Variants in GPR39 observed in about 807,000 individuals in gnomAD.
The protein encoded by GPR39 is zinc sensing receptor.
In GPR39, 23 loss-of-function variants were observed where a neutral mutation model predicts 18.4. That is an observed-to-expected ratio of 1.25 (90% CI 0.90 to 1.77). GPR39 has a LOEUF of 1.77. Ranked by LOEUF, GPR39 falls within the 40% of genes most tolerant of loss-of-function variation. The probability of loss-of-function intolerance (pLI) is 0.00; values close to 1 mark genes in which losing one functional copy is unlikely to be tolerated. For synonymous variants in GPR39, 280 were observed against 257.9 expected, an observed-to-expected ratio of 1.09 and a Z score of -0.82; for missense variants, 647 against 602.4, an observed-to-expected ratio of 1.07 and a Z score of -0.78.
chr2:132,597,527 C>T (rs1184595191), intron 1 of GPR39, among the ~76,000 whole-genome samples: 2 of 152,104 alleles, frequency 1.3e-5, no homozygotes, highest in African/African-American at 4.8e-5. Context: ...TCAGTGGACT[C>T]TAAAATTTCT....
intron 1 of GPR39, among the ~76,000 whole-genome samples, chr2:132,578,067 G>GTTTT (rs34297392): frequency 0.013 from 1,769 of 131,710 alleles, 43 homozygotes; most frequent in African/African-American, 0.044. Context: ...TTTTTCTAGA[G>GTTTT]TTTTTTTTTT....
intron 1 of GPR39, chr2:132,606,332 TAAAAC>T (rs1357293742): frequency 6.6e-6 from 1 of 152,200 alleles, no homozygotes; most frequent in African/African-American, 2.4e-5. Flanking sequence ...AATTTTGAAA[TAAAAC>T]ATACCAAGTG....
rs185158584 is a variant in GPR39 at position 132,426,766 on chromosome 2, C to T, written c.856+8868C>T. On this transcript the variant is annotated intron_variant, in intron 1 of 1. Coordinates refer to ENST00000329321, the MANE Select transcript of GPR39 (RefSeq NM_001508.3). Reference sequence around the variant, plus strand: ...ACACTCAGGCCACTGCTTTGCACACCGCAAAGGTGGCTAGGTAGTTGGAGA... The same window carrying T: ...ACACTCAGGCCACTGCTTTGCACACTGCAAAGGTGGCTAGGTAGTTGGAGA... Among the ~76,000 whole-genome samples, 68 of 152,284 alleles carry T rather than the reference C, an allele frequency of 4.5e-4. No individual in the cohort carries two copies. The South Asian group carries it at 7.1e-3, about 16-fold the overall frequency.
At chr2:132,629,237 G>A (rs899825531) in intron 1 of GPR39, among the ~76,000 whole-genome samples, 2 of 152,184 alleles carry the variant, frequency 1.3e-5, no homozygotes, top group Non-Finnish European at 2.9e-5. Flanking sequence ...TGCTAGGACT[G>A]TAGTGTAAGC....
At position 132,646,189 on chromosome 2, in the gene GPR39, G is replaced by A. The variant is rs751029062; in HGVS notation, c.*583G>A. 7 of 1,609,660 alleles carry A rather than the reference G, an allele frequency of 4.3e-6. No homozygotes were observed. The highest frequency in any genetic ancestry group is 1.7e-5 in the Admixed American group (1 of 59,456). On this transcript the variant is annotated 3_prime_UTR_variant, in exon 2 of 2. Transcript: ENST00000329321. ...TGTTGCAGCAGCTGATGCAAACTGA[G>A]TTCAGTTTCCCTGGGGAGCAGAAGG... is the stretch of plus-strand genomic sequence containing the variant.
chr2:132,494,981 C>A lies in GPR39; in HGVS notation c.856+77083C>A, dbSNP rs1240734382. 2.0e-5 allele frequency among the ~76,000 whole-genome samples: 3 copies of A among 152,052 alleles called. No individual in the cohort carries two copies. The South Asian group carries it at 6.2e-4, about 32-fold the overall frequency. On this transcript the variant is annotated intron_variant, in intron 1 of 1. Transcript: ENST00000329321. ...GCTGACTTTACACGTAAAGGGAGCA[C>A]CCTGAGGGGATAGGGGAAGTGGGGA...
intron 1 of GPR39, among the ~76,000 whole-genome samples, chr2:132,639,698 T>A (rs1028583916): frequency 2.0e-5 from 3 of 152,144 alleles, no homozygotes; most frequent in African/African-American, 4.8e-5. Flanking sequence ...GAAGTAATAT[T>A]TTGTTTTAAT....
At chr2:132,435,354 G>C (rs116545711) in intron 1 of GPR39, among the ~76,000 whole-genome samples, 1,664 of 152,124 alleles carry the variant, frequency 0.011, 31 homozygotes, top group African/African-American at 0.038. Context: ...AGACCTTTAT[G>C]ATGATCCACT....
Position 132,564,803 on chromosome 2 carries a change from C to CTTTTTTTTT in GPR39, c.857-80292_857-80291insTTTTTTTTT, listed in dbSNP as rs1680316668. On this transcript the variant is annotated intron_variant, in intron 1 of 1. Coordinates refer to ENST00000329321, the MANE Select transcript of GPR39 (RefSeq NM_001508.3). ...AGGAAGCTTTAATAACTATTTTTTTCTTTTTTCTTTTTTTTTTTTTTTTTT... is the reference window on the plus strand; with the variant it reads ...AGGAAGCTTTAATAACTATTTTTTTCTTTTTTTTTTTTTTTCTTTTTTTTTTTTTTTTTT... Among the ~76,000 whole-genome samples, 10 of 91,702 alleles carry CTTTTTTTTT rather than the reference C, an allele frequency of 1.1e-4. No homozygotes were observed. The East Asian group carries it at 2.4e-3, about 22-fold the overall frequency. 60.2% of individuals were successfully genotyped at this position (91,702 alleles called of 152,430 possible).
intron 1 of GPR39, among the ~76,000 whole-genome samples, chr2:132,485,361 G>A (rs1173265273): frequency 1.3e-5 from 2 of 152,140 alleles, no homozygotes; most frequent in Non-Finnish European, 2.9e-5. Context: ...TGACAGTTAG[G>A]GTAGTTGTGA....
intron 1 of GPR39, among the ~76,000 whole-genome samples, chr2:132,462,502 T>C (rs1331621761): frequency 6.6e-6 from 1 of 152,236 alleles, no homozygotes; most frequent in African/African-American, 2.4e-5. Flanking sequence ...AAGGCCCTCC[T>C]GATTTTACCA....
intron 1 of GPR39, among the ~76,000 whole-genome samples, chr2:132,632,948 C>G (rs1427597928): frequency 6.6e-6 from 1 of 152,100 alleles, no homozygotes; most frequent in Non-Finnish European, 1.5e-5. Context: ...TCCATGGTCA[C>G]ACAGTTAATA....
chr2:132,437,159 C>G (rs2104762584), intron 1 of GPR39, among the ~76,000 whole-genome samples: 1 of 152,308 alleles, frequency 6.6e-6, no homozygotes, highest in Non-Finnish European at 1.5e-5. Context: ...CAAGACAATA[C>G]ACACACATGC....
At chr2:132,644,413 ATTC>A in intron 1 of GPR39, among the ~76,000 whole-genome samples, 1 of 152,356 alleles carries the variant, frequency 6.6e-6, no homozygotes, top group African/African-American at 2.4e-5. Context: ...TCTCTGAATA[ATTC>A]TTTTTCCCCA....
At chr2:132,490,489 C>T (rs1011115733) in intron 1 of GPR39, among the ~76,000 whole-genome samples, 3 of 151,816 alleles carry the variant, frequency 2.0e-5, no homozygotes, top group South Asian at 2.1e-4. Flanking sequence ...TTCTACACAA[C>T]GGAGGGTTTG....
At chr2:132,639,540 A>G (rs1054073924) in intron 1 of GPR39, among the ~76,000 whole-genome samples, 1 of 152,338 alleles carries the variant, frequency 6.6e-6, no homozygotes, top group East Asian at 1.9e-4. Flanking sequence ...GAGGTGATCA[A>G]CTTTCCAGAT....
chr2:132,587,016 T>C (rs918746038), intron 1 of GPR39, among the ~76,000 whole-genome samples: 1 of 152,260 alleles, frequency 6.6e-6, no homozygotes, highest in African/African-American at 2.4e-5. Flanking sequence ...GTTTATATGT[T>C]CAATCTGGTT....
At chr2:132,494,109 A>G (rs1681592328) in intron 1 of GPR39, among the ~76,000 whole-genome samples, 1 of 152,022 alleles carries the variant, frequency 6.6e-6, no homozygotes, top group African/African-American at 2.4e-5. Flanking sequence ...ATGTATAGGC[A>G]GGTCTTTAAG....
At chr2:132,573,870 CA>C in intron 1 of GPR39, among the ~76,000 whole-genome samples, 1 of 152,158 alleles carries the variant, frequency 6.6e-6, no homozygotes, top group East Asian at 1.9e-4. Flanking sequence ...TCTTGAACTT[CA>C]ATGTGACATT....
Sources: allele counts gnomAD v4.1 joint callset (sites outside exome capture counted in the v4.1 genomes callset), GRCh38; gene constraint gnomAD v4.1.1; transcripts MANE v1.5; gene names NCBI Gene and HGNC (gene_info 2026-07-23, HGNC 2026-07-21).